DUSP22: variants seen among roughly 807,000 people sequenced by gnomAD.
The protein encoded by DUSP22 is dual specificity protein phosphatase 22.
A neutral mutation model predicts 24.5 loss-of-function variants in DUSP22; 24 were observed. That is an observed-to-expected ratio of 0.98 (90% confidence interval 0.71 to 1.38). DUSP22 has a LOEUF of 1.38. DUSP22 is among the 40% of genes most tolerant of loss of function. DUSP22 has a pLI of 0.00. For missense variants in DUSP22, 330 were observed against 269.2 expected, an observed-to-expected ratio of 1.23 and a Z score of -1.58; for synonymous variants, 160 against 106.4, an observed-to-expected ratio of 1.50 and a Z score of -3.10.
At chr6:326,342 T>C (rs1277884135) in intron 3 of DUSP22, among the ~76,000 whole-genome samples, 94 of 128,716 alleles carry the variant, frequency 7.3e-4, no homozygotes, top group African/African-American at 1.1e-3. Flanking sequence ...GCTTCTGCGT[T>C]CTGGTGTGTG....
chr6:299,263 T>C (rs970764094), intron 1 of DUSP22, among the ~76,000 whole-genome samples: 12 of 152,304 alleles, frequency 7.9e-5, no homozygotes, highest in Non-Finnish European at 1.5e-4. Flanking sequence ...GTCAGCCAGG[T>C]TGTTGCAGAT....
chr6:299,847 G>A (rs557447751), intron 1 of DUSP22, among the ~76,000 whole-genome samples: 393 of 152,308 alleles, frequency 2.6e-3, no homozygotes, highest in East Asian at 0.012. Context: ...ACTCAGGGCA[G>A]AAAGGGGCAG....
intron 2 of DUSP22, among the ~76,000 whole-genome samples, chr6:308,759 G>C (rs1757938680): frequency 6.6e-6 from 1 of 152,308 alleles, no homozygotes; most frequent in African/African-American, 2.4e-5. Flanking sequence ...TCATATACTT[G>C]ATCAGGGTCC....
intron 3 of DUSP22, among the ~76,000 whole-genome samples, chr6:331,025 C>T (rs1759119066): frequency 6.6e-6 from 1 of 152,306 alleles, no homozygotes; most frequent in Non-Finnish European, 1.5e-5. Context: ...TCATGTTACG[C>T]CACTTAAAAT....
chr6:343,321 C>T (rs1235657176), intron 4 of DUSP22, among the ~76,000 whole-genome samples: 2 of 152,308 alleles, frequency 1.3e-5, no homozygotes, highest in Admixed American at 6.5e-5. Flanking sequence ...TGGTGGTTTA[C>T]ACCGGGTGCC....
At chr6:330,615 C>A (rs1354968325) in intron 3 of DUSP22, among the ~76,000 whole-genome samples, 1 of 152,298 alleles carries the variant, frequency 6.6e-6, no homozygotes, top group Admixed American at 6.5e-5. Flanking sequence ...AGGTAAAAAC[C>A]TTACTTTTGG....
Position 349,502 on chromosome 6 carries a change from C to T in DUSP22, c.*551C>T. 1.0e-6 allele frequency: 1 copy of T among 995,138 alleles called. No individual in the cohort carries two copies. The highest frequency in any genetic ancestry group is 1.2e-6 in the Non-Finnish European group (1 of 836,396). The allele number at this position is 995,138 out of a possible 1,614,324, so 61.6% of individuals were successfully genotyped here. A position where few individuals can be genotyped will look rare whatever the true frequency, so the allele number is the denominator to read the frequency against. Reference sequence around the variant, plus strand: ...AGAGCAGTCTGTGCCTCTGAGCAGACCGTGAGAACTCAGGGGACGAGTGGC... The same window carrying T: ...AGAGCAGTCTGTGCCTCTGAGCAGATCGTGAGAACTCAGGGGACGAGTGGC... On this transcript the variant is annotated 3_prime_UTR_variant, in exon 7 of 7. Transcript: ENST00000419235.
chr6:324,847 G>A (rs1400725343), intron 3 of DUSP22, among the ~76,000 whole-genome samples: 1 of 152,304 alleles, frequency 6.6e-6, no homozygotes, highest in Non-Finnish European at 1.5e-5. Flanking sequence ...GCAGCTGAGG[G>A]ACCCATTCCA....
At chr6:346,118 C>T (rs1759857696) in intron 5 of DUSP22, among the ~76,000 whole-genome samples, 190 bp downstream of exon 5, 1 of 152,306 alleles carries the variant, frequency 6.6e-6, no homozygotes, top group African/African-American at 2.4e-5. Flanking sequence ...GAAGGAGAAC[C>T]CTAACTCGTT....
chr6:309,551 A>C (rs1236059679), intron 2 of DUSP22, among the ~76,000 whole-genome samples: 1 of 152,302 alleles, frequency 6.6e-6, no homozygotes, highest in Non-Finnish European at 1.5e-5. Flanking sequence ...GTTTAGAACA[A>C]TGTTTCTTGA....
intron 3 of DUSP22, among the ~76,000 whole-genome samples, chr6:313,305 CAT>C (rs1369526589): frequency 6.6e-6 from 1 of 152,310 alleles, no homozygotes; most frequent in Non-Finnish European, 1.5e-5. Context: ...AACACACTGT[CAT>C]GTGTGCACAT....
chr6:312,199 C>G (rs1401918336), intron 3 of DUSP22, among the ~76,000 whole-genome samples: 1 of 152,430 alleles, frequency 6.6e-6, no homozygotes, highest in Non-Finnish European at 1.5e-5. Flanking sequence ...GCTTTCGTGG[C>G]TAAATGCCTA....
chr6:310,347 C>T (rs1467282399), intron 2 of DUSP22, among the ~76,000 whole-genome samples: 1 of 152,294 alleles, frequency 6.6e-6, no homozygotes, highest in Non-Finnish European at 1.5e-5. Flanking sequence ...AGTGGACCTC[C>T]TCATTTCCTG....
At chr6:332,630 C>G (rs762852722) in intron 3 of DUSP22, among the ~76,000 whole-genome samples, 1 of 151,794 alleles carries the variant, frequency 6.6e-6, no homozygotes, top group African/African-American at 2.4e-5. Context: ...TCTGTCCATT[C>G]TCTTCCTGTC....
In DUSP22 at chr6:349,154, G is replaced by A; in HGVS notation, c.*203G>A. 2.8e-6 allele frequency: 4 copies of A among 1,434,786 alleles called. No homozygotes were observed. The highest frequency in any genetic ancestry group is 3.6e-6 in the Non-Finnish European group (4 of 1,100,314). The allele number at this position is 1,434,786 out of a possible 1,614,324, so 88.9% of individuals were successfully genotyped here. A position where few individuals can be genotyped will look rare whatever the true frequency, so the allele number is the denominator to read the frequency against. On this transcript the variant is annotated 3_prime_UTR_variant, in exon 7 of 7. Transcript: ENST00000419235. ...CCACCCCTACCCTGGCTGCACCTGAGCTTGCTGCCCCTGGGGATGTTGCCC... is the reference window on the plus strand; with the variant it reads ...CCACCCCTACCCTGGCTGCACCTGAACTTGCTGCCCCTGGGGATGTTGCCC...
chr6:309,762 C>G (rs1757987696), intron 2 of DUSP22, among the ~76,000 whole-genome samples: 1 of 152,264 alleles, frequency 6.6e-6, no homozygotes, highest in South Asian at 2.1e-4. Context: ...CGTCTCTGAG[C>G]TGGGGCTGTC....
intron 3 of DUSP22, among the ~76,000 whole-genome samples, chr6:322,831 G>T (rs895004048): frequency 8.2e-3 from 894 of 108,446 alleles, no homozygotes; most frequent in African/African-American, 0.027. Context: ...GCTGCTTGGT[G>T]GGGCGGGGGG....
At chr6:307,732 A>G (rs1445790794) in intron 2 of DUSP22, among the ~76,000 whole-genome samples, 2 of 152,306 alleles carry the variant, frequency 1.3e-5, no homozygotes, top group East Asian at 1.9e-4. Flanking sequence ...ACAGAATTCT[A>G]GAAAAGTGGG....
At chr6:315,955 A>T (rs1011525202) in intron 3 of DUSP22, among the ~76,000 whole-genome samples, 1 of 152,298 alleles carries the variant, frequency 6.6e-6, no homozygotes, top group Non-Finnish European at 1.5e-5. Flanking sequence ...GGCAAATCCC[A>T]TAGGAACAGA....
Sources: allele counts gnomAD v4.1 joint callset (sites outside exome capture counted in the v4.1 genomes callset), GRCh38; gene constraint gnomAD v4.1.1; transcripts MANE v1.5; gene names NCBI Gene and HGNC (gene_info 2026-07-23, HGNC 2026-07-21).